STX5: variants seen among roughly 807,000 people sequenced by gnomAD.
STX5 encodes the protein syntaxin 5.
STX5 carries 15 observed loss-of-function variants against 42.9 expected under a neutral mutation model. The observed-to-expected ratio is 0.35, with a 90% CI of 0.23 to 0.54. The LOEUF is 0.54. STX5 is among the 20% of genes least tolerant of loss of function. The pLI is 0.91. For synonymous variants in STX5, 184 were observed against 173.2 expected (o/e 1.06, Z -0.49); for missense variants, 430 against 455.0 (o/e 0.95, Z 0.50).
chr11:62,815,173 A>T (rs1316199532), intron 10 of STX5, among the ~76,000 whole-genome samples: 2 of 151,278 alleles, frequency 1.3e-5, no homozygotes, highest in Non-Finnish European at 3.0e-5. Flanking sequence ...ACGCCCAGTT[A>T]ATTTTTCTGT....
chr11:62,823,328 C>A (rs1488462359), intron 10 of STX5, among the ~76,000 whole-genome samples: 3 of 151,898 alleles, frequency 2.0e-5, no homozygotes, highest in Non-Finnish European at 2.9e-5. Context: ...GCACACGCAA[C>A]CATGTCCAGC....
At chr11:62,818,185 C>T (rs1007821961) in intron 10 of STX5, among the ~76,000 whole-genome samples, 4 of 141,810 alleles carry the variant, frequency 2.8e-5, no homozygotes, top group Non-Finnish European at 4.5e-5. Flanking sequence ...GCAGAGGTTG[C>T]AGTGAGCCAA....
chr11:62,831,556 GC>G (rs1386822831), intron 1 of STX5, among the ~76,000 whole-genome samples: 3 of 152,080 alleles, frequency 2.0e-5, no homozygotes, highest in Non-Finnish European at 4.4e-5. Context: ...TGAGACTCCG[GC>G]CCGGCCCGTG....
intron 10 of STX5, among the ~76,000 whole-genome samples, chr11:62,812,464 T>C (rs914288449): frequency 8.6e-5 from 13 of 151,498 alleles, no homozygotes; most frequent in African/African-American, 3.2e-4. Flanking sequence ...CAGGTTGGAG[T>C]GCAGTGGCGT....
chr11:62,815,346 A>G (rs1590965563), intron 10 of STX5, among the ~76,000 whole-genome samples: 1 of 151,902 alleles, frequency 6.6e-6, no homozygotes, highest in East Asian at 1.9e-4. Context: ...TTTATTTTTT[A>G]GGACAGAGTA....
intron 5 of STX5, 100 bp downstream of exon 5, chr11:62,827,055 A>G: frequency 8.6e-7 from 1 of 1,165,190 alleles, no homozygotes; most frequent in Admixed American, 2.2e-5. Flanking sequence ...CCTCTCTAAA[A>G]AAAGAAACTT....
Position 62,831,257 on chromosome 11 carries a change from C to T in STX5, c.-14G>A, listed in dbSNP as rs1210710047. On this transcript the variant is annotated 5_prime_UTR_variant, in exon 2 of 11. Coordinates refer to ENST00000294179, the MANE Select transcript of STX5 (RefSeq NM_003164.5). ...CCGCGGGATCATTGAGACGCATAAC[C>T]TCGGACTGTTGTGGAGGGGAGAGTG... is the stretch of plus-strand genomic sequence containing the variant. The T allele has an allele frequency of 1.9e-6, 3 of 1,553,330 alleles. No individual in the cohort carries two copies. The highest frequency in any genetic ancestry group is 2.6e-6 in the Non-Finnish European group (3 of 1,147,212).
chr11:62,820,024 AG>A (rs1377982906), intron 10 of STX5, among the ~76,000 whole-genome samples: 1 of 151,544 alleles, frequency 6.6e-6, no homozygotes, highest in African/African-American at 2.4e-5. Context: ...GTTGTTGAAC[AG>A]GAATATGGAT....
intron 10 of STX5, among the ~76,000 whole-genome samples, chr11:62,810,144 C>CA (rs2084601506): frequency 1.3e-5 from 2 of 148,788 alleles, no homozygotes; most frequent in Admixed American, 1.3e-4. Flanking sequence ...AAAAAAGTGA[C>CA]AAAATGTTAA....
intron 1 of STX5, among the ~76,000 whole-genome samples, chr11:62,831,753 A>G (rs1444467110): frequency 7.2e-6 from 1 of 138,736 alleles, no homozygotes. Flanking sequence ...GAAGACTTCA[A>G]CCACTCATTA....
At chr11:62,818,880 A>G (rs2084705663) in intron 10 of STX5, among the ~76,000 whole-genome samples, 4 of 151,278 alleles carry the variant, frequency 2.6e-5, no homozygotes, top group Admixed American at 2.6e-4. Flanking sequence ...AAAAGAAAAA[A>G]CAACTGTATA....
At chr11:62,819,357 CA>C (rs150908864) in intron 10 of STX5, among the ~76,000 whole-genome samples, 19 of 129,554 alleles carry the variant, frequency 1.5e-4, no homozygotes, top group Admixed American at 1.1e-3. Context: ...ATCTCCACTA[CA>C]AAAAAAAAAC....
intron 2 of STX5, chr11:62,830,533 T>C (rs1288266905): frequency 8.8e-6 from 4 of 456,324 alleles, no homozygotes; most frequent in East Asian, 1.4e-4. Context: ...GTTGACAGAG[T>C]TGAAAAACAG....
At chr11:62,817,005 C>T (rs189776483) in intron 10 of STX5, among the ~76,000 whole-genome samples, 80 of 152,178 alleles carry the variant, frequency 5.3e-4, no homozygotes, top group East Asian at 1.9e-4. Flanking sequence ...TGCTCTGTCA[C>T]TCAGGCTGGA....
rs539774622 is a variant in STX5, at chr11:62,819,985, G to A, written c.908+4181C>T. ...CCCAAAGTGTTAGGAATACAGGCAT[G>A]AGCCACCGCTCCCAGGCCAGTAAGT... On this transcript the variant is annotated intron_variant, in intron 10 of 10. Coordinates refer to ENST00000294179, the MANE Select transcript of STX5 (RefSeq NM_003164.5). Among the ~76,000 whole-genome samples, 14 of 151,514 alleles carry A rather than the reference G, an allele frequency of 9.2e-5. No homozygotes were observed. In the South Asian group the frequency reaches 2.9e-3, roughly 32 times the overall value.
chr11:62,807,533 A>G lies in STX5; in HGVS notation c.1004T>C (p.Leu335Pro). 1 of 1,614,096 alleles carries G rather than the reference A, an allele frequency of 6.2e-7. No homozygotes were observed. Among genetic ancestry groups the G allele is most frequent in the Non-Finnish European group, 8.5e-7 (1 of 1,180,014 alleles). Reference sequence around the variant, plus strand: ...GAGGATGAGGAAGATTTTGACCATGAGCCACCGGTTGGAGGTGACAGACTG... The same window carrying G: ...GAGGATGAGGAAGATTTTGACCATGGGCCACCGGTTGGAGGTGACAGACTG... The part of the protein sequence containing the change: ...YFQSVTSNRW[L>P]MVKIFLILIV... The change falls in exon 11 of 11, where the codon CTC (leucine) becomes CCC (proline). Residue 335 changes from leucine to proline, a missense_variant. By Grantham distance (98) the Leu-to-Pro change is moderately conservative (BLOSUM62 -3). Transcript: ENST00000294179.
Position 62,825,470 on chromosome 11 carries a change from C to T in STX5, c.493G>A (p.Gly165Ser). The change falls in exon 6 of 11, where the codon GGC (glycine) becomes AGC (serine). Residue 165 changes from glycine (G) to serine (S), a missense_variant. Transcript: ENST00000294179. ...TTGGAGTGGGTCTGCAGGTGCCGGC[C>T]ACTCTGGCTGCCCTTGGCTCTCACG... is the stretch of plus-strand genomic sequence containing the variant. ...DFVRAKGSQS[G>S]RHLQTHSNTI... 6.2e-7 allele frequency: 1 copy of T among 1,614,070 alleles called. No individual in the cohort carries two copies. Among genetic ancestry groups the T allele is most frequent in the Non-Finnish European group, 8.5e-7 (1 of 1,180,048 alleles).
chr11:62,825,079 G>C lies in STX5; in HGVS notation c.636C>G (p.Ser212=). The change falls in exon 8 of 11, where the codon TCC becomes TCG. Residue 212 remains serine (S), a synonymous_variant. Transcript: ENST00000294179. The part of the protein sequence containing the change: ...KQQRSRREQF[S]RAPVSALPLA... ...GGGGCAGGGCTGACACAGGTGCCCG[G>C]GAGAACTGCTCTCTCCGGCTCCTCT... 6.2e-7 allele frequency: 1 copy of C among 1,613,846 alleles called. No homozygotes were observed. Among genetic ancestry groups the C allele is most frequent in the South Asian group, 1.1e-5 (1 of 91,086 alleles).
intron 6 of STX5, 39 bp from the exon 7 acceptor site, chr11:62,825,378 C>T (rs2084783580): frequency 6.2e-7 from 1 of 1,614,090 alleles, no homozygotes; most frequent in Non-Finnish European, 8.5e-7. Context: ...AAGAAGGCTC[C>T]ACATTCTTCC....
Sources: allele counts gnomAD v4.1 joint callset (sites outside exome capture counted in the v4.1 genomes callset), GRCh38; gene constraint gnomAD v4.1.1; transcripts MANE v1.5; gene names NCBI Gene and HGNC (gene_info 2026-07-23, HGNC 2026-07-21).